The following COG2 variants were observed in gnomAD, a reference collection of about 807,000 sequenced individuals.
The protein encoded by COG2 is conserved oligomeric Golgi complex subunit 2.
A neutral mutation model predicts 90.6 loss-of-function variants in COG2; 52 were observed. That is an observed-to-expected ratio of 0.57 (90% CI 0.46 to 0.72). The LOEUF (loss-of-function observed/expected upper bound fraction) is 0.72, where lower values mean the gene tolerates loss of function less well. Ranked by LOEUF, COG2 falls within the 30% of genes least tolerant of loss-of-function variation. COG2 has a pLI of 0.00. For synonymous variants in COG2, 337 were observed against 320.4 expected (o/e 1.05, Z -0.55); for missense variants, 829 against 891.2 (o/e 0.93, Z 0.89).
intron 11 of COG2, 32 bp downstream of exon 11, chr1:230,683,667 AT>A: frequency 1.4e-6 from 2 of 1,428,144 alleles, no homozygotes; most frequent in Non-Finnish European, 2.0e-6. Context: ...GTGGCATGGT[AT>A]CCTAAATGAG....
chr1:230,642,716 G>A (rs750428614), intron 1 of COG2, 38 bp downstream of exon 1: 4 of 1,594,540 alleles, frequency 2.5e-6, no homozygotes, highest in East Asian at 2.3e-5. Context: ...CGGGCCATGA[G>A]GGTGCCTCTG....
chr1:230,669,557 A>G (rs929124270), intron 7 of COG2, 22 bp downstream of exon 7: 1 of 1,603,040 alleles, frequency 6.2e-7, no homozygotes, highest in South Asian at 1.1e-5. Context: ...TCCTTCAACA[A>G]ACATTCATGA....
chr1:230,644,982 G>A (rs918742821), intron 1 of COG2, among the ~76,000 whole-genome samples: 1 of 152,054 alleles, frequency 6.6e-6, no homozygotes. Context: ...ATCACTTGAG[G>A]GGTCAAAGGT....
Position 230,693,469 on chromosome 1 carries a change from A to G in COG2, c.*76A>G. The G allele has an allele frequency of 1.1e-6, 1 of 893,324 alleles. No individual in the cohort carries two copies. Among genetic ancestry groups the G allele is most frequent in the Non-Finnish European group, 1.8e-6 (1 of 561,392 alleles). The allele number at this position is 893,324 out of a possible 1,614,324, so 55.3% of individuals were successfully genotyped here. A position where few individuals can be genotyped will look rare whatever the true frequency, so the allele number is the denominator to read the frequency against. On this transcript the variant is annotated 3_prime_UTR_variant, in exon 18 of 18. Coordinates refer to ENST00000366669, the MANE Select transcript of COG2 (RefSeq NM_007357.3). Reference sequence around the variant, plus strand: ...CTTCCAGGCTGAAGGGGAGAAAGTGACTCTGTTCTCTTAGCAACCGTCTGT... The same window carrying G: ...CTTCCAGGCTGAAGGGGAGAAAGTGGCTCTGTTCTCTTAGCAACCGTCTGT...
chr1:230,687,842 C>T (rs1571964572), intron 13 of COG2: 2 of 458,302 alleles, frequency 4.4e-6, no homozygotes, highest in Admixed American at 4.3e-5. Context: ...TTTGCTTATT[C>T]TCTGTGCCTG....
chr1:230,666,467 A>G (rs1254696638), intron 5 of COG2, among the ~76,000 whole-genome samples: 2 of 152,116 alleles, frequency 1.3e-5, no homozygotes, highest in Non-Finnish European at 2.9e-5. Flanking sequence ...CTCTAGGACA[A>G]CTAACCCTAG....
At chr1:230,666,732 T>C (rs1472192418) in intron 5 of COG2, among the ~76,000 whole-genome samples, 5 of 152,186 alleles carry the variant, frequency 3.3e-5, no homozygotes, top group Non-Finnish European at 7.3e-5. Context: ...TCCACCTCCC[T>C]TTCACCTGCC....
intron 1 of COG2, among the ~76,000 whole-genome samples, chr1:230,645,233 CAAAAAAAAAAAAA>C (rs57806034): frequency 1.1e-5 from 1 of 91,064 alleles, no homozygotes; most frequent in African/African-American, 4.2e-5. Flanking sequence ...GAGACCCTGT[CAAAAAAAAAAAAA>C]AAAAAAAAAA....
In COG2 at chr1:230,691,562, C is replaced by G; in HGVS notation, c.2113C>G (p.Gln705Glu). The G allele has an allele frequency of 6.2e-7, 1 of 1,606,632 alleles. No individual in the cohort carries two copies. Among genetic ancestry groups the G allele is most frequent in the South Asian group, 1.1e-5 (1 of 89,962 alleles). ...CCTAGATGTTGAGTACTTGGGAGAGCAGGTAACCCATCAGCCGCCGGCAGC... is the reference window on the plus strand; with the variant it reads ...CCTAGATGTTGAGTACTTGGGAGAGGAGGTAACCCATCAGCCGCCGGCAGC... Reference protein sequence around the residue: ...LALDVEYLGEQIQKLGLQASD... With the variant: ...LALDVEYLGEEIQKLGLQASD... The change falls in exon 17 of 18, where the codon CAG becomes GAG. Residue 705 changes from glutamine to glutamate, a missense_variant and splice_region_variant. Transcript: ENST00000366669.
chr1:230,683,733 G>GTT (rs5781597), intron 11 of COG2, 98 bp downstream of exon 11: 53,753 of 479,190 alleles, frequency 0.11, 154 homozygotes, highest in East Asian at 0.12. Flanking sequence ...TACTTTTACT[G>GTT]TTTTTTTTTT....
At chr1:230,675,157 G>A in intron 9 of COG2, 33 bp downstream of exon 9, 2 of 1,594,804 alleles carry the variant, frequency 1.3e-6, no homozygotes, top group Non-Finnish European at 1.7e-6. Flanking sequence ...GATTCTTGAA[G>A]ATGTTAACCG....
intron 1 of COG2, among the ~76,000 whole-genome samples, chr1:230,643,442 A>G (rs1462018632): frequency 2.0e-5 from 3 of 152,212 alleles, no homozygotes; most frequent in African/African-American, 4.8e-5. Flanking sequence ...AAATGTTTCT[A>G]TTTAATTTCC....
intron 16 of COG2, among the ~76,000 whole-genome samples, chr1:230,691,163 ATG>A (rs575311831): frequency 2.0e-5 from 3 of 149,450 alleles, no homozygotes; most frequent in Non-Finnish European, 2.9e-5. Context: ...TTAAGACCAT[ATG>A]TGTGTGTGTG....
At chr1:230,671,674 C>G (rs1170921272) in intron 8 of COG2, 34 bp downstream of exon 8, 1 of 1,606,130 alleles carries the variant, frequency 6.2e-7, no homozygotes, top group South Asian at 1.1e-5. Flanking sequence ...ACCCCCACCT[C>G]CCTTTCAGTG....
chr1:230,685,863 C>T (rs865925375), intron 12 of COG2, among the ~76,000 whole-genome samples: 8 of 152,126 alleles, frequency 5.3e-5, no homozygotes, highest in Admixed American at 2.0e-4. Context: ...TCTCTGGGGA[C>T]AGCGTGAGTA....
chr1:230,662,124 G>A (rs1326649027), intron 3 of COG2, among the ~76,000 whole-genome samples: 2 of 152,072 alleles, frequency 1.3e-5, no homozygotes, highest in African/African-American at 4.8e-5. Flanking sequence ...GTTAACTGCT[G>A]TCTCACCTGC....
intron 16 of COG2, among the ~76,000 whole-genome samples, chr1:230,691,175 G>GTA (rs542747736): frequency 9.5e-5 from 14 of 147,600 alleles, no homozygotes; most frequent in Non-Finnish European, 1.6e-4. Flanking sequence ...GTGTGTGTGT[G>GTA]TATATATATA....
intron 7 of COG2, chr1:230,670,852 A>T (rs963393513): frequency 2.6e-5 from 4 of 152,016 alleles, no homozygotes; most frequent in Non-Finnish European, 4.4e-5. Flanking sequence ...AGCGCAAGTG[A>T]TCTGCCTGCC....
At chr1:230,686,903 G>A (rs776862136) in intron 12 of COG2, 32 bp from the exon 13 acceptor site, 5 of 1,404,016 alleles carry the variant, frequency 3.6e-6, no homozygotes, top group Non-Finnish European at 4.8e-6. Context: ...TTGCTAGTGT[G>A]AAAGTAGTTA....
Sources: gnomAD v4.1 joint callset for allele counts (sites outside exome capture counted in the v4.1 genomes callset) on GRCh38, gnomAD v4.1.1 for gene constraint, MANE v1.5 for transcripts, NCBI Gene and HGNC (gene_info 2026-07-23, HGNC 2026-07-21) for gene names.